Variants in KLF16 observed in about 807,000 individuals in gnomAD.
KLF16 encodes the protein Krueppel-like factor 16.
KLF16 carries 6 observed loss-of-function variants against 6.1 expected under a neutral mutation model. The ratio of observed to expected loss-of-function variants is 0.98; its 90% CI spans 0.54 to 1.93. The LOEUF is 1.93. KLF16 is among the 30% of genes most tolerant of loss of function. KLF16 has a pLI of 0.01. For missense variants in KLF16, 355 were observed against 363.8 expected, an observed-to-expected ratio of 0.98 and a Z score of 0.20; for synonymous variants, 211 against 176.5, an observed-to-expected ratio of 1.20 and a Z score of -1.55.
At chr19:1,872,086 C>G in the KLF16 span, among the ~76,000 whole-genome samples, 3 of 152,248 alleles carry the variant, frequency 2.0e-5, no homozygotes, top group Middle Eastern at 6.8e-3. Flanking sequence ...TGAAAAGCTT[C>G]CATAAGAGCT....
chr19:1,858,649 T>C (rs1480557932), intron 1 of KLF16, among the ~76,000 whole-genome samples: 2 of 152,122 alleles, frequency 1.3e-5, no homozygotes, highest in Non-Finnish European at 2.9e-5. Flanking sequence ...TTGCTCAGCA[T>C]CTTGAATACT....
In KLF16 at chr19:1,854,344, G is replaced by C; in HGVS notation, c.*115C>G. 2.4e-6 allele frequency: 3 copies of C among 1,257,720 alleles called. No individual in the cohort carries two copies. Among genetic ancestry groups the C allele is most frequent in the Non-Finnish European group, 3.1e-6 (3 of 976,606 alleles). The allele number at this position is 1,257,720 out of a possible 1,614,324, so 77.9% of individuals were successfully genotyped here. A position where few individuals can be genotyped will look rare whatever the true frequency, so the allele number is the denominator to read the frequency against. ...CCTCCTCACTCTCTGGAGGGGGGCA[G>C]GGGTGTCTTCAGGGTTTGCCCACGG... is the stretch of plus-strand genomic sequence containing the variant. On this transcript the variant is annotated 3_prime_UTR_variant, in exon 2 of 2. Coordinates refer to ENST00000250916, the MANE Select transcript of KLF16 (RefSeq NM_031918.4).
intron 1 of KLF16, among the ~76,000 whole-genome samples, chr19:1,856,949 C>CAGGTTG (rs2011962320): frequency 4.7e-5 from 2 of 42,708 alleles, no homozygotes; most frequent in Non-Finnish European, 8.3e-5. Flanking sequence ...GAGCAGGTTG[C>CAGGTTG]CGGGGTGGGG....
rs752796555 is a variant in KLF16, at chr19:1,854,586, C to G, written c.632G>C (p.Gly211Ala). The change falls in exon 2 of 2, where the codon GGC becomes GCC. Residue 211 changes from glycine (G) to alanine (A), a missense_variant. By Grantham distance (60) the Gly-to-Ala change is moderately conservative (BLOSUM62 0). Coordinates refer to ENST00000250916, the MANE Select transcript of KLF16 (RefSeq NM_031918.4). ...GCGCCGGAGCAGGTCCGGGTGGAAG[C>G]CGGGGTGGCGGCGGGCGTGCTTGGC... ...HLAKHARRHP[G>A]FHPDLLRRPG... is the part of the protein sequence containing the mutation. The G allele has an allele frequency of 8.2e-5, 130 of 1,591,356 alleles. No homozygotes were observed. The highest frequency in any genetic ancestry group is 1.1e-4 in the Non-Finnish European group (130 of 1,175,896).
chr19:1,871,910 G>A, the KLF16 span, among the ~76,000 whole-genome samples: 3 of 152,110 alleles, frequency 2.0e-5, no homozygotes, highest in Admixed American at 2.0e-4. Flanking sequence ...GGCAGCAGGG[G>A]CAGGATCCGG....
chr19:1,855,373 T>C (rs937181898), intron 1 of KLF16, among the ~76,000 whole-genome samples: 1 of 151,162 alleles, frequency 6.6e-6, no homozygotes, highest in African/African-American at 2.4e-5. Context: ...TGGGCCCCGA[T>C]CTCGGGGTGT....
chr19:1,859,698 C>T (rs372109752), intron 1 of KLF16, among the ~76,000 whole-genome samples: 6 of 152,102 alleles, frequency 3.9e-5, no homozygotes, highest in African/African-American at 1.4e-4. Flanking sequence ...CCTGTTGCCA[C>T]CCCCCACCCC....
intron 1 of KLF16, among the ~76,000 whole-genome samples, chr19:1,860,687 C>T (rs1318408324): frequency 2.0e-5 from 3 of 152,204 alleles, no homozygotes; most frequent in Non-Finnish European, 4.4e-5. Flanking sequence ...AAACGCATGG[C>T]CTTCCTGTCC....
At chr19:1,875,816 C>G in the KLF16 span, 4 of 152,450 alleles carry the variant, frequency 2.6e-5, no homozygotes, top group African/African-American at 9.6e-5. Context: ...CTGAGGGGCA[C>G]GGCGCACGAC....
chr19:1,865,120 C>T (rs926599570), upstream of KLF16, among the ~76,000 whole-genome samples: 3 of 152,212 alleles, frequency 2.0e-5, no homozygotes, highest in Non-Finnish European at 4.4e-5. Flanking sequence ...TGAGCCCTCC[C>T]TGGGCCCCAG....
rs778639691 is a variant in KLF16 at position 1,863,031 on chromosome 19, C to T, written c.457+10G>A. 2.7e-5 allele frequency: 37 copies of T among 1,356,004 alleles called. No homozygotes were observed. The South Asian group carries it at 4.6e-4, about 17-fold the overall frequency. 84.0% of individuals were successfully genotyped at this position (1,356,004 alleles called of 1,614,324 possible). On this transcript the variant is annotated intron_variant, in intron 1 of 1. Transcript: ENST00000250916. ...GCCCCCGCAAGGGCCGGGATCGCGG[C>T]TGCACTCACCTGTGTGCGTCCGCAG...
chr19:1,867,581 A>C (rs2012207914), upstream of KLF16, among the ~76,000 whole-genome samples: 1 of 152,076 alleles, frequency 6.6e-6, no homozygotes, highest in Admixed American at 6.5e-5. Context: ...ATAGTGATAG[A>C]TTGTCTGGGT....
At chr19:1,862,472 G>GCCCTCC (rs916566715) in intron 1 of KLF16, among the ~76,000 whole-genome samples, 4 of 151,664 alleles carry the variant, frequency 2.6e-5, no homozygotes, top group African/African-American at 9.7e-5. Flanking sequence ...TCCTAGCCTC[G>GCCCTCC]CCCTCCCCCT....
chr19:1,859,242 C>A (rs980218199), intron 1 of KLF16, among the ~76,000 whole-genome samples: 1 of 152,102 alleles, frequency 6.6e-6, no homozygotes. Context: ...GGCTGCTTCC[C>A]CCTCTGGGCC....
Position 1,863,418 on chromosome 19 carries a change from C to A in KLF16, c.80G>T (p.Arg27Leu). ...CGCGCCCTCGGGGCCGGGCCGCCCG[C>A]GGTGCACCACGGCGCCCGAAGAGAT... ...MAISSGAVVH[R>L]GRPGPEGAGP... is the part of the protein sequence containing the mutation. Residue 27 changes from arginine (R) to leucine (L), a missense_variant, in exon 1 of 2, where the codon CGC (arginine) becomes CTC (leucine). Transcript: ENST00000250916. 1.0e-6 allele frequency: 1 copy of A among 1,003,160 alleles called. No homozygotes were observed. Among genetic ancestry groups the A allele is most frequent in the South Asian group, 3.8e-5 (1 of 26,272 alleles). 62.1% of individuals were successfully genotyped at this position (1,003,160 alleles called of 1,614,324 possible).
chr19:1,866,690 C>T (rs1040531945), upstream of KLF16, among the ~76,000 whole-genome samples: 7 of 149,466 alleles, frequency 4.7e-5, no homozygotes, highest in Admixed American at 4.0e-4. Context: ...GTGGAAGGGT[C>T]GCTTGAGCCC....
At chr19:1,859,550 C>T (rs1285379700) in intron 1 of KLF16, among the ~76,000 whole-genome samples, 1 of 152,050 alleles carries the variant, frequency 6.6e-6, no homozygotes, top group Non-Finnish European at 1.5e-5. Flanking sequence ...CCGAGGTGCC[C>T]CCTCCCCACC....
the KLF16 span, among the ~76,000 whole-genome samples, chr19:1,872,293 C>A: frequency 6.6e-6 from 1 of 152,144 alleles, no homozygotes; most frequent in African/African-American, 2.4e-5. Flanking sequence ...ACCATGCCAG[C>A]TAATTTTTGT....
rs901190593 is a variant in KLF16 at position 1,857,020 on chromosome 19, G to A, written c.458-2260C>T. On this transcript the variant is annotated intron_variant, in intron 1 of 1. Transcript: ENST00000250916. The surrounding 1 kb of genome is among the most constrained non-coding windows in gnomAD (Gnocchi z 4.7). ...ACACAGCTGCCGCACGTAGCTCGGC[G>A]GCGGCGGCGGGGACATCCGCAGCCC... 6.8e-6 allele frequency among the ~76,000 whole-genome samples: 1 copy of A among 147,986 alleles called. No individual in the cohort carries two copies. The highest frequency in any genetic ancestry group is 2.6e-5 in the African/African-American group (1 of 38,962).
Sources: allele counts gnomAD v4.1 joint callset (sites outside exome capture counted in the v4.1 genomes callset), GRCh38; gene constraint gnomAD v4.1.1; non-coding constraint Gnocchi (gnomAD v3.1); transcripts MANE v1.5; gene names NCBI Gene and HGNC (gene_info 2026-07-23, HGNC 2026-07-21).